BRSK2: variants seen among roughly 807,000 people sequenced by gnomAD.
BRSK2 encodes the protein BR serine/threonine kinase 2.
A neutral mutation model predicts 83.3 loss-of-function variants in BRSK2; 19 were observed. That is an observed-to-expected ratio of 0.23 (90% CI 0.16 to 0.33). The LOEUF is 0.33. Among genes scored for constraint, BRSK2 ranks in the 10% least tolerant of loss-of-function variants. The pLI is 1.00. For missense variants in BRSK2, 798 were observed against 1,042.3 expected, an observed-to-expected ratio of 0.77 and a Z score of 3.23; for synonymous variants, 519 against 435.4, an observed-to-expected ratio of 1.19 and a Z score of -2.39.
At chr11:1,402,023 G>GCAGA (rs1333388188) in intron 1 of BRSK2, among the ~76,000 whole-genome samples, 2 of 152,236 alleles carry the variant, frequency 1.3e-5, no homozygotes, top group African/African-American at 4.8e-5. Context: ...TGGGCCCTGA[G>GCAGA]CAGACCCACA....
Position 1,449,807 on chromosome 11 carries a change from C to G in BRSK2, c.1258C>G (p.Leu420Val), listed in dbSNP as rs200882947. 9.9e-6 allele frequency: 16 copies of G among 1,612,262 alleles called. No homozygotes were observed. Among genetic ancestry groups the G allele is most frequent in the African/African-American group, 2.7e-5 (2 of 75,004 alleles). The change falls in exon 13 of 20, where the codon CTT becomes GTT. Residue 420 changes from leucine to valine, a missense_variant. Physicochemically the swap from Leu to Val is conservative, Grantham distance 32. Transcript: ENST00000528841. ...GTCCATCAGCGGTGCCTCCTCAGGC[C>G]TTTCCACCAGCCCACTCAGCAGCCC... The part of the protein sequence containing the change: ...SRSISGASSG[L>V]STSPLSSPRV...
Position 1,460,649 on chromosome 11 carries a change from G to A in BRSK2, c.2137G>A (p.Gly713Arg), listed in dbSNP as rs1389270710. 3 of 1,528,688 alleles carry A rather than the reference G, an allele frequency of 2.0e-6. No individual in the cohort carries two copies. The highest frequency in any genetic ancestry group is 2.6e-6 in the Non-Finnish European group (3 of 1,142,974). The allele number at this position is 1,528,688 out of a possible 1,614,324, so 94.7% of individuals were successfully genotyped here. ...CGCGGCCGCTGGCCCTGGCCCCGGAGGGGACGCCGAGTACCCAACGGGCAA... is the reference window on the plus strand; with the variant it reads ...CGCGGCCGCTGGCCCTGGCCCCGGAAGGGACGCCGAGTACCCAACGGGCAA... ...DSAAAGPGPG[G>R]DAEYPTGKDT... Residue 713 changes from glycine (G) to arginine (R), a missense_variant, in exon 20 of 20, where the codon GGG (glycine) becomes AGG (arginine). Around this residue, in one of 6 missense-constraint regions of BRSK2, gnomAD observed 455 missense variants for 455.2 expected, o/e 1.00. Coordinates refer to ENST00000528841, the MANE Select transcript of BRSK2 (RefSeq NM_001256627.2).
In BRSK2 at chr11:1,454,350, C is replaced by A; in HGVS notation, c.1545-135C>A. ...TTGGGGTCAGGGCCATGGGTTCTGG[C>A]TAGCACTGTGGAGACAGCCGTTTCT... On this transcript the variant is annotated intron_variant, in intron 15 of 19. Coordinates refer to ENST00000528841, the MANE Select transcript of BRSK2 (RefSeq NM_001256627.2). This position sits in a 1 kb window ranked among gnomAD's most constrained non-coding sequence, Gnocchi z 5.2. The A allele has an allele frequency of 9.2e-7, 1 of 1,084,182 alleles. No individual in the cohort carries two copies. Among genetic ancestry groups the A allele is most frequent in the East Asian group, 2.4e-5 (1 of 41,650 alleles). The allele number at this position is 1,084,182 out of a possible 1,614,324, so 67.2% of individuals were successfully genotyped here. A position where few individuals can be genotyped will look rare whatever the true frequency, so the allele number is the denominator to read the frequency against.
Position 1,413,536 on chromosome 11 carries a change from C to T in BRSK2, c.92-22504C>T, listed in dbSNP as rs371122899. Among the ~76,000 whole-genome samples the T allele has an allele frequency of 2.6e-4, 39 of 152,322 alleles. No homozygotes were observed. In the East Asian group the frequency reaches 7.3e-3, roughly 29 times the overall value. ...ACCTTCTGCCCTGGGAGCCCTACAG[C>T]CCACATGGGCCCTGGCATCCAGCTC... On this transcript the variant is annotated intron_variant, in intron 1 of 19. Coordinates refer to ENST00000528841, the MANE Select transcript of BRSK2 (RefSeq NM_001256627.2).
chr11:1,443,234 C>T, intron 6 of BRSK2, 95 bp downstream of exon 6: 1 of 1,517,632 alleles, frequency 6.6e-7, no homozygotes, highest in Non-Finnish European at 8.8e-7. Flanking sequence ...CCAGGTGCTG[C>T]TAGGCTGCCT....
chr11:1,427,787 T>C (rs1590459616), intron 1 of BRSK2, among the ~76,000 whole-genome samples: 1 of 152,176 alleles, frequency 6.6e-6, no homozygotes, highest in African/African-American at 2.4e-5. Flanking sequence ...AGGGTGGCCC[T>C]GGGCTTCCCC....
At chr11:1,450,542 C>A (rs775195092) in intron 13 of BRSK2, 45 bp from the exon 14 acceptor site, 1 of 1,094,860 alleles carries the variant, frequency 9.1e-7, no homozygotes, top group Non-Finnish European at 1.3e-6. Context: ...CCGGCCCCCA[C>A]CCGCCGGGAT....
chr11:1,442,079 C>T (rs1016324336), intron 4 of BRSK2, among the ~76,000 whole-genome samples: 2 of 148,624 alleles, frequency 1.3e-5, no homozygotes, highest in African/African-American at 2.5e-5. Flanking sequence ...TCCCCTTTCC[C>T]GAGTGGGCAG....
Position 1,442,613 on chromosome 11 carries a change from G to A in BRSK2, c.530+7G>A, listed in dbSNP as rs781220828. 7 of 1,604,600 alleles carry A rather than the reference G, an allele frequency of 4.4e-6. No homozygotes were observed. In the African/African-American group the frequency reaches 9.4e-5, roughly 21 times the overall value. ...TGTTGGAGACCAGCTGTGGGTACGTGGCCCTCTGCCCTGGAGAGAGGCTGG... is the reference window on the plus strand; with the variant it reads ...TGTTGGAGACCAGCTGTGGGTACGTAGCCCTCTGCCCTGGAGAGAGGCTGG... On this transcript the variant is annotated splice_region_variant and intron_variant, in intron 5 of 19. Transcript: ENST00000528841.
intron 2 of BRSK2, among the ~76,000 whole-genome samples, chr11:1,437,489 C>G (rs1448385965): frequency 2.0e-5 from 3 of 152,178 alleles, no homozygotes; most frequent in Non-Finnish European, 4.4e-5. Flanking sequence ...CCTGCCCTTA[C>G]CTCGGAGCAG....
intron 1 of BRSK2, among the ~76,000 whole-genome samples, chr11:1,434,139 A>C (rs1849959278): frequency 6.6e-6 from 1 of 152,272 alleles, no homozygotes; most frequent in Non-Finnish European, 1.5e-5. Context: ...AAACGAGAAC[A>C]GGAAAGGAGC....
At chr11:1,446,830 C>T (rs1344248375) in intron 12 of BRSK2, among the ~76,000 whole-genome samples, 4 of 152,218 alleles carry the variant, frequency 2.6e-5, no homozygotes, top group Non-Finnish European at 4.4e-5. Flanking sequence ...GGAGCCCGGG[C>T]AGCAGTCTCT....
At chr11:1,415,000 G>GT (rs1273116633) in intron 1 of BRSK2, among the ~76,000 whole-genome samples, 1 of 152,150 alleles carries the variant, frequency 6.6e-6, no homozygotes, top group African/African-American at 2.4e-5. Context: ...GCTCTCAGGA[G>GT]TGGCGCGCTG....
Position 1,450,618 on chromosome 11 carries a change from C to T in BRSK2, c.1319C>T (p.Pro440Leu), listed in dbSNP as rs1272842290. Residue 440 changes from proline to leucine, a missense_variant, in exon 14 of 20, where the codon CCC (proline) becomes CTC (leucine). Around this residue, in one of 6 missense-constraint regions of BRSK2, gnomAD observed 455 missense variants for 455.2 expected, o/e 1.00. Transcript: ENST00000528841. ...CCTCACCCCTCACCAAGGGGCAGTCCCCTCCCCACCCCCAAGGGGACACCT... is the reference window on the plus strand; with the variant it reads ...CCTCACCCCTCACCAAGGGGCAGTCTCCTCCCCACCCCCAAGGGGACACCT... ...VTPHPSPRGS[P>L]LPTPKGTPVH... The T allele has an allele frequency of 1.3e-6, 2 of 1,595,802 alleles. No homozygotes were observed. The highest frequency in any genetic ancestry group is 1.8e-5 in the Admixed American group (1 of 55,694).
Position 1,454,320 on chromosome 11 carries a change from G to T in BRSK2, c.1545-165G>T. 2.6e-6 allele frequency: 2 copies of T among 765,074 alleles called. No homozygotes were observed. The highest frequency in any genetic ancestry group is 4.3e-6 in the Non-Finnish European group (2 of 463,490). 47.4% of individuals were successfully genotyped at this position (765,074 alleles called of 1,614,324 possible). On this transcript the variant is annotated intron_variant, in intron 15 of 19. Coordinates refer to ENST00000528841, the MANE Select transcript of BRSK2 (RefSeq NM_001256627.2). The surrounding 1 kb of genome is among the most constrained non-coding windows in gnomAD (Gnocchi z 5.2). Reference sequence around the variant, plus strand: ...GGTCAGGGCATATGGGCTAGGGTTAGGGCGTTGGGGTCAGGGCCATGGGTT... The same window carrying T: ...GGTCAGGGCATATGGGCTAGGGTTATGGCGTTGGGGTCAGGGCCATGGGTT...
intron 12 of BRSK2, among the ~76,000 whole-genome samples, chr11:1,448,539 C>T (rs1852517032): frequency 6.6e-6 from 1 of 152,344 alleles, no homozygotes; most frequent in East Asian, 1.9e-4. Context: ...GGCTCGGCCC[C>T]TCCACCCCGG....
chr11:1,397,230 G>A (rs530167752), intron 1 of BRSK2, among the ~76,000 whole-genome samples: 10 of 152,332 alleles, frequency 6.6e-5, no homozygotes, highest in African/African-American at 9.6e-5. Context: ...AGGGATGTCC[G>A]CCGGGCCAGG....
chr11:1,446,436 A>G (rs1590620759), intron 12 of BRSK2, among the ~76,000 whole-genome samples: 1 of 144,886 alleles, frequency 6.9e-6, no homozygotes, highest in Non-Finnish European at 1.5e-5. Flanking sequence ...GGCAGGGCTG[A>G]GCTGGGCTGG....
rs368914488 is a variant in BRSK2, at chr11:1,450,730, G to A, written c.1431G>A (p.Ala477=). 267 of 1,601,042 alleles carry A rather than the reference G, an allele frequency of 1.7e-4. No individual in the cohort carries two copies. Among genetic ancestry groups the A allele is most frequent in the Middle Eastern group, 3.3e-4 (2 of 6,020 alleles). ...SPSVGGVPWR[A]RLNSIKNSFL... ...GCGTCGGAGGGGTGCCCTGGAGGGCGCGGCTCAACTCCATCAAGAACAGCT... is the reference window on the plus strand; with the variant it reads ...GCGTCGGAGGGGTGCCCTGGAGGGCACGGCTCAACTCCATCAAGAACAGCT... Residue 477 remains alanine (A), a synonymous_variant, in exon 14 of 20, where the codon GCG becomes GCA. Transcript: ENST00000528841.
Sources: allele counts gnomAD v4.1 joint callset (sites outside exome capture counted in the v4.1 genomes callset), GRCh38; gene constraint gnomAD v4.1.1; regional missense constraint gnomAD v4.1.1; non-coding constraint Gnocchi (gnomAD v3.1); transcripts MANE v1.5; gene names NCBI Gene and HGNC (gene_info 2026-07-23, HGNC 2026-07-21).